The following ALK variants were observed in gnomAD, a reference collection of about 807,000 sequenced individuals.
The protein encoded by ALK is ALK tyrosine kinase receptor.
A neutral mutation model predicts 163.1 loss-of-function variants in ALK; 74 were observed. The observed-to-expected ratio is 0.45, with a 90% CI of 0.38 to 0.55. The LOEUF (loss-of-function observed/expected upper bound fraction) is 0.55. ALK is among the 20% of genes least tolerant of loss of function. The pLI, the probability that ALK is intolerant of heterozygous loss-of-function variation, is 0.00. For missense variants in ALK, 2,063 were observed against 2,105.3 expected, an observed-to-expected ratio of 0.98 and a Z score of 0.39; for synonymous variants, 960 against 843.2, an observed-to-expected ratio of 1.14 and a Z score of -2.40.
chr2:29,395,337 G>A (rs933493778), intron 4 of ALK, among the ~76,000 whole-genome samples: 4 of 152,216 alleles, frequency 2.6e-5, no homozygotes, highest in African/African-American at 9.6e-5. Flanking sequence ...CTGGGGCTGG[G>A]ATAAGTGGTC....
intron 1 of ALK, among the ~76,000 whole-genome samples, chr2:29,786,031 G>A (rs1335016830): frequency 6.6e-6 from 1 of 151,790 alleles, no homozygotes; most frequent in Non-Finnish European, 1.5e-5. Flanking sequence ...GCTTTAAAAA[G>A]TTTTCGCCAT....
chr2:29,821,896 G>T (rs893831885), intron 1 of ALK, among the ~76,000 whole-genome samples: 2 of 152,152 alleles, frequency 1.3e-5, no homozygotes, highest in African/African-American at 4.8e-5. Flanking sequence ...GGATTCAGGG[G>T]TTGAAGGGCC....
intron 1 of ALK, among the ~76,000 whole-genome samples, chr2:29,818,608 T>C (rs991566628): frequency 6.6e-6 from 1 of 152,220 alleles, no homozygotes; most frequent in African/African-American, 2.4e-5. Context: ...TCCAAGAATA[T>C]TCCGTTGCAT....
intron 5 of ALK, among the ~76,000 whole-genome samples, chr2:29,338,720 C>G (rs1243029452): frequency 1.3e-5 from 2 of 152,238 alleles, no homozygotes; most frequent in Non-Finnish European, 2.9e-5. Flanking sequence ...TATTCAGTCT[C>G]CTCAAGAGTG....
At chr2:29,214,586 T>A (rs1669551510) in intron 23 of ALK, among the ~76,000 whole-genome samples, 1 of 152,176 alleles carries the variant, frequency 6.6e-6, no homozygotes, top group Admixed American at 6.5e-5. Context: ...TAAAATTGAT[T>A]GAAAAAGAAA....
At chr2:29,760,543 T>C (rs1304082984) in intron 1 of ALK, among the ~76,000 whole-genome samples, 2 of 152,264 alleles carry the variant, frequency 1.3e-5, no homozygotes, top group East Asian at 3.9e-4. Context: ...CCAGGGATGT[T>C]TCCAGTGCAT....
intron 4 of ALK, among the ~76,000 whole-genome samples, chr2:29,460,092 G>A (rs1573373215): frequency 1.3e-5 from 2 of 152,170 alleles, no homozygotes; most frequent in African/African-American, 4.8e-5. Context: ...AGAGGTTTTA[G>A]TGACTACCTT....
chr2:29,707,760 G>C (rs766773947), intron 2 of ALK, among the ~76,000 whole-genome samples: 4 of 152,190 alleles, frequency 2.6e-5, no homozygotes, highest in Admixed American at 2.6e-4. Context: ...AAGAGGCTTA[G>C]AGCAAATGGA....
chr2:29,819,441 T>C (rs963332771), intron 1 of ALK, among the ~76,000 whole-genome samples: 31 of 152,182 alleles, frequency 2.0e-4, no homozygotes, highest in Non-Finnish European at 1.2e-4. Flanking sequence ...GTGAAGCAGA[T>C]TAGCTAATAC....
intron 1 of ALK, among the ~76,000 whole-genome samples, chr2:29,731,834 AC>A (rs1262925957): frequency 2.0e-5 from 3 of 152,254 alleles, no homozygotes; most frequent in African/African-American, 7.2e-5. Flanking sequence ...GGATAATACT[AC>A]ATCTATCTCT....
At chr2:29,831,121 A>G (rs1409265198) in intron 1 of ALK, among the ~76,000 whole-genome samples, 21 of 48,248 alleles carry the variant, frequency 4.4e-4, no homozygotes, top group Non-Finnish European at 5.7e-4. Flanking sequence ...AAGAAGAAGA[A>G]GAAGGGGAAG....
In ALK at chr2:29,920,323, C is replaced by G. The variant is rs748952373; in HGVS notation, c.337G>C (p.Gly113Arg). The change falls in exon 1 of 29, where the codon GGT becomes CGT. Residue 113 changes from glycine (G) to arginine (R), a missense_variant. By Grantham distance (125) the Gly-to-Arg change is moderately radical. Coordinates refer to ENST00000389048, the MANE Select transcript of ALK (RefSeq NM_004304.5). ...GPAPGVSWTA[G>R]SPAPAEARTL... is the part of the protein sequence containing the mutation. ...CGGGCCTCTGCCGGGGCTGGTGAAC[C>G]GGCGGTCCAGGAGACCCCCGGCGCC... is the stretch of plus-strand genomic sequence containing the variant. 1.3e-6 allele frequency: 2 copies of G among 1,554,672 alleles called. No individual in the cohort carries two copies. The highest frequency in any genetic ancestry group is 2.3e-5 in the South Asian group (2 of 85,196).
chr2:29,745,875 G>A (rs1680196093), intron 1 of ALK, among the ~76,000 whole-genome samples: 1 of 152,192 alleles, frequency 6.6e-6, no homozygotes, highest in African/African-American at 2.4e-5. Flanking sequence ...ATCCTAGACT[G>A]TAAAAACCCT....
chr2:29,836,407 C>T (rs537093170), intron 1 of ALK, among the ~76,000 whole-genome samples: 11 of 152,096 alleles, frequency 7.2e-5, no homozygotes, highest in Admixed American at 6.6e-5. Context: ...CCAGGCTGAC[C>T]GAGTCACCAT....
chr2:29,440,726 C>A (rs1670520480), intron 4 of ALK, among the ~76,000 whole-genome samples: 1 of 152,238 alleles, frequency 6.6e-6, no homozygotes, highest in African/African-American at 2.4e-5. Flanking sequence ...CTTGACAAGT[C>A]TACCTTGCTT....
chr2:29,858,538 G>C (rs1370785301), intron 1 of ALK, among the ~76,000 whole-genome samples: 1 of 149,760 alleles, frequency 6.7e-6, no homozygotes, highest in African/African-American at 2.5e-5. Context: ...TTCAAGACCA[G>C]ACTGACCAAC....
intron 1 of ALK, among the ~76,000 whole-genome samples, chr2:29,909,578 C>G (rs538897375): frequency 4.0e-5 from 6 of 151,686 alleles, no homozygotes; most frequent in Non-Finnish European, 8.8e-5. Context: ...TTAAGTTGTG[C>G]ATTCATACAG....
rs537144171 is a variant in ALK, at chr2:29,706,280, C to T, written c.788-11266G>A. Among the ~76,000 whole-genome samples the T allele has an allele frequency of 5.9e-5, 9 of 152,324 alleles. No individual in the cohort carries two copies. The East Asian group carries it at 1.4e-3, about 23-fold the overall frequency. Reference sequence around the variant, plus strand: ...GAACCCAGGGGGCCTGACTTCCAGCCCAGGCTCCGATGATTAGGGACTGTG... The same window carrying T: ...GAACCCAGGGGGCCTGACTTCCAGCTCAGGCTCCGATGATTAGGGACTGTG... On this transcript the variant is annotated intron_variant, in intron 2 of 28. Transcript: ENST00000389048.
At chr2:29,811,434 T>C (rs1664757601) in intron 1 of ALK, among the ~76,000 whole-genome samples, 1 of 152,184 alleles carries the variant, frequency 6.6e-6, no homozygotes, top group African/African-American at 2.4e-5. Flanking sequence ...CTTATCTCCA[T>C]GTCTCAAGAG....
Sources: allele counts gnomAD v4.1 joint callset (sites outside exome capture counted in the v4.1 genomes callset), GRCh38; gene constraint gnomAD v4.1.1; transcripts MANE v1.5; gene names NCBI Gene and HGNC (gene_info 2026-07-23, HGNC 2026-07-21).